The following CSMD1 variants were observed in gnomAD, a reference collection of about 807,000 sequenced individuals.
CSMD1 encodes CUB and Sushi multiple domains 1, also known as CUB and sushi domain-containing protein 1.
CSMD1 carries 213 observed loss-of-function variants against 417.5 expected under a neutral mutation model. The observed-to-expected ratio is 0.51, with a 90% CI of 0.46 to 0.57. The LOEUF (loss-of-function observed/expected upper bound fraction) is 0.57, where lower values mean the gene tolerates loss of function less well. Among genes scored for constraint, CSMD1 ranks in the 20% least tolerant of loss-of-function variants. The pLI is 0.00. For synonymous variants in CSMD1, 2,862 were observed against 1,736.8 expected (o/e 1.65, Z -16.11); for missense variants, 6,923 against 4,529.7 (o/e 1.53, Z -15.17).
chr8:3,966,461 A>G (rs182587424), intron 5 of CSMD1, among the ~76,000 whole-genome samples: 57 of 152,274 alleles, frequency 3.7e-4, no homozygotes, highest in African/African-American at 1.3e-3. Flanking sequence ...TTTTATAGAT[A>G]TATGTTTCCA....
chr8:4,629,176 A>C (rs1365117427), intron 2 of CSMD1, among the ~76,000 whole-genome samples: 1 of 152,234 alleles, frequency 6.6e-6, no homozygotes, highest in Admixed American at 6.5e-5. Context: ...GCATATTTGT[A>C]GAATACATTC....
rs369289636 is a variant in CSMD1 at position 4,031,882 on chromosome 8, C to T, written c.610+23G>A. 3.8e-6 allele frequency: 6 copies of T among 1,585,290 alleles called. No individual in the cohort carries two copies. The African/African-American group carries it at 5.4e-5, about 14-fold the overall frequency. ...ATTGCCCTGCCCTGGAGTCTGCTCACCAGCCCCCTTGTAGCACTGTACCTC... is the reference window on the plus strand; with the variant it reads ...ATTGCCCTGCCCTGGAGTCTGCTCATCAGCCCCCTTGTAGCACTGTACCTC... On this transcript the variant is annotated intron_variant, in intron 4 of 69. Transcript: ENST00000635120.
chr8:4,294,879 G>T (rs557225941), intron 3 of CSMD1, among the ~76,000 whole-genome samples: 3 of 151,702 alleles, frequency 2.0e-5, no homozygotes, highest in African/African-American at 4.8e-5. Flanking sequence ...TGCCCTTTTA[G>T]TAGCTGTCAA....
chr8:4,772,402 A>C (rs1796647421), intron 1 of CSMD1, among the ~76,000 whole-genome samples: 3 of 152,182 alleles, frequency 2.0e-5, no homozygotes, highest in Admixed American at 1.3e-4. Context: ...GGTTGGGTCC[A>C]CCCTGATAAT....
intron 3 of CSMD1, among the ~76,000 whole-genome samples, chr8:4,414,587 T>C (rs979475679): frequency 6.6e-6 from 1 of 151,972 alleles, no homozygotes; most frequent in Non-Finnish European, 1.5e-5. Context: ...TATCTTTAAA[T>C]CAATTCAGTG....
At chr8:3,489,360 G>A (rs1439059740) in intron 11 of CSMD1, among the ~76,000 whole-genome samples, 2 of 152,126 alleles carry the variant, frequency 1.3e-5, no homozygotes, top group South Asian at 4.1e-4. Flanking sequence ...TCTCATAGAG[G>A]GACGGGCATT....
intron 10 of CSMD1, chr8:3,515,245 T>C (rs765502860): frequency 2.0e-5 from 3 of 152,234 alleles, no homozygotes; most frequent in Non-Finnish European, 4.4e-5. Flanking sequence ...TTGTCCTTAA[T>C]ATAAATAACA....
At chr8:4,428,374 G>C (rs80236170) in intron 2 of CSMD1, among the ~76,000 whole-genome samples, 3,116 of 152,218 alleles carry the variant, frequency 0.02, 115 homozygotes, top group African/African-American at 0.07. Flanking sequence ...ATTCTAGGTA[G>C]CTTGTTATCT....
At chr8:4,942,030 G>T (rs1243889963) in intron 1 of CSMD1, among the ~76,000 whole-genome samples, 1 of 152,108 alleles carries the variant, frequency 6.6e-6, no homozygotes, top group Non-Finnish European at 1.5e-5. Context: ...AAATTACCCT[G>T]GGTAAATGGG....
chr8:3,355,822 T>G (rs1170439459), intron 21 of CSMD1, among the ~76,000 whole-genome samples: 1 of 152,142 alleles, frequency 6.6e-6, no homozygotes, highest in Non-Finnish European at 1.5e-5. Context: ...CAACTTTTTC[T>G]CTAATTTGCA....
intron 3 of CSMD1, among the ~76,000 whole-genome samples, chr8:4,067,029 T>C (rs975086397): frequency 4.6e-5 from 7 of 152,228 alleles, no homozygotes; most frequent in Non-Finnish European, 2.9e-5. Context: ...CTTAGTTTTG[T>C]GTATGATGAA....
At chr8:4,623,566 G>C (rs1181268613) in intron 2 of CSMD1, among the ~76,000 whole-genome samples, 1 of 151,972 alleles carries the variant, frequency 6.6e-6, no homozygotes, top group East Asian at 1.9e-4. Context: ...GCTAAAAACA[G>C]GGGGGTGAGG....
rs575807844 is a variant in CSMD1 at position 3,819,483 on chromosome 8, G to A, written c.819-65441C>T. 3.3e-5 allele frequency among the ~76,000 whole-genome samples: 5 copies of A among 151,804 alleles called. No homozygotes were observed. The East Asian group carries it at 9.7e-4, about 30-fold the overall frequency. On this transcript the variant is annotated intron_variant, in intron 5 of 69. Transcript: ENST00000635120. ...TTCACCTTCAATCGTCGGTGGCACT[G>A]CTCTTTCTATTCTCCAAGAATGCTG...
intron 3 of CSMD1, among the ~76,000 whole-genome samples, chr8:4,146,592 ACATTTTTTTTTTTTTTTT>A (rs1804143628): frequency 1.8e-5 from 1 of 56,900 alleles, no homozygotes; most frequent in African/African-American, 4.4e-5. Context: ...TTATATGGAC[ACATTTTTTTTTTTTTTTT>A]TTTTTTTTTT....
chr8:3,123,150 A>G (rs565236490), intron 41 of CSMD1, among the ~76,000 whole-genome samples: 179 of 152,336 alleles, frequency 1.2e-3, no homozygotes, highest in African/African-American at 4.1e-3. Flanking sequence ...AGGGAACATT[A>G]AAACAGAAAG....
Position 4,238,862 on chromosome 8 carries a change from G to C in CSMD1, c.415+181091C>G, listed in dbSNP as rs577584348. On this transcript the variant is annotated intron_variant, in intron 3 of 69. Transcript: ENST00000635120. ...ATAAGTACATTTTTAAAAATCGATA[G>C]CAAATGCAATTTTTTTAGCAAATGC... is the stretch of plus-strand genomic sequence containing the variant. Among the ~76,000 whole-genome samples the C allele has an allele frequency of 1.2e-3, 186 of 152,236 alleles. 3 individuals carry two copies. Among genetic ancestry groups the C allele is most frequent in the African/African-American group, 4.2e-3 (174 of 41,528 alleles).
intron 5 of CSMD1, among the ~76,000 whole-genome samples, chr8:3,815,547 C>T (rs1161355273): frequency 6.6e-6 from 1 of 151,526 alleles, no homozygotes; most frequent in Non-Finnish European, 1.5e-5. Context: ...AAAGAAAAAA[C>T]TGTGCTTTTG....
intron 51 of CSMD1, among the ~76,000 whole-genome samples, chr8:3,028,366 G>A (rs1202497341): frequency 6.6e-6 from 1 of 152,118 alleles, no homozygotes; most frequent in Non-Finnish European, 1.5e-5. Flanking sequence ...TGACAAAGAG[G>A]AACGGCTCTG....
At chr8:4,454,319 C>G in intron 2 of CSMD1, among the ~76,000 whole-genome samples, 1 of 152,184 alleles carries the variant, frequency 6.6e-6, no homozygotes, top group East Asian at 1.9e-4. Context: ...TCTTCCGCAT[C>G]CTTGTCAGTA....
Sources: allele counts gnomAD v4.1 joint callset (sites outside exome capture counted in the v4.1 genomes callset), GRCh38; gene constraint gnomAD v4.1.1; transcripts MANE v1.5; gene names NCBI Gene and HGNC (gene_info 2026-07-23, HGNC 2026-07-21).